CTNNA2: variants seen among roughly 807,000 people sequenced by gnomAD.
CTNNA2 encodes the protein catenin alpha-2.
In CTNNA2, 42 loss-of-function variants were observed where a neutral mutation model predicts 101.0. The observed-to-expected ratio is 0.42, with a 90% CI of 0.32 to 0.54. CTNNA2 has a LOEUF of 0.54. Among genes scored for constraint, CTNNA2 ranks in the 20% least tolerant of loss-of-function variants. The pLI, the probability that CTNNA2 is intolerant of heterozygous loss-of-function variation, is 0.14. For missense variants in CTNNA2, 871 were observed against 1,223.1 expected (o/e 0.71, Z 4.29); for synonymous variants, 450 against 456.4 (o/e 0.99, Z 0.18).
At chr2:79,687,686 A>G in intron 2 of CTNNA2, 1 of 548,022 alleles carries the variant, frequency 1.8e-6, no homozygotes, top group Non-Finnish European at 3.3e-6. Context: ...AACTTAAAAA[A>G]CTGGATGAAA....
At chr2:80,259,796 A>C (rs1325542430) in intron 7 of CTNNA2, among the ~76,000 whole-genome samples, 1 of 152,254 alleles carries the variant, frequency 6.6e-6, no homozygotes, top group Admixed American at 6.5e-5. Flanking sequence ...CAACTAAGTT[A>C]CTAAGTAATA....
At chr2:80,300,556 G>A (rs1442920703) in intron 7 of CTNNA2, among the ~76,000 whole-genome samples, 2 of 152,022 alleles carry the variant, frequency 1.3e-5, no homozygotes, top group Non-Finnish European at 2.9e-5. Context: ...ACATTTGCAT[G>A]TTGGGGGATG....
At chr2:79,868,568 TA>T (rs1193353305) in intron 4 of CTNNA2, among the ~76,000 whole-genome samples, 1 of 152,268 alleles carries the variant, frequency 6.6e-6, no homozygotes, top group East Asian at 1.9e-4. Context: ...TGAGTTAATA[TA>T]ATCTATGGTT....
intron 16 of CTNNA2, chr2:80,605,310 A>G (rs975599245): frequency 6.6e-6 from 1 of 152,012 alleles, no homozygotes; most frequent in East Asian, 1.9e-4. Context: ...AGTTATCCCT[A>G]TAAGCAATAG....
intron 9 of CTNNA2, among the ~76,000 whole-genome samples, chr2:80,453,364 A>G (rs1197296709): frequency 6.6e-6 from 1 of 152,034 alleles, no homozygotes; most frequent in Non-Finnish European, 1.5e-5. Flanking sequence ...TAATGTGTTA[A>G]GAGTGTCAGT....
Position 79,235,398 on chromosome 2 carries a change from C to G in CTNNA2, c.-406+37322C>G, listed in dbSNP as rs562883346. 2.6e-5 allele frequency among the ~76,000 whole-genome samples: 4 copies of G among 152,246 alleles called. No homozygotes were observed. In the East Asian group the frequency reaches 7.7e-4, roughly 29 times the overall value. On this transcript the variant is annotated intron_variant, in intron 2 of 21. Transcript: ENST00000466387. ...GCTGCATGGCTCTTGTGTTTTAATG[C>G]AGTTGGTAGTAGTGCTCTGTGGTGG...
intron 9 of CTNNA2, among the ~76,000 whole-genome samples, chr2:80,450,518 T>C (rs1327416192): frequency 6.6e-6 from 1 of 152,202 alleles, no homozygotes; most frequent in Non-Finnish European, 1.5e-5. Flanking sequence ...TTGTCATTTC[T>C]TCTCAAGGAA....
intron 7 of CTNNA2, among the ~76,000 whole-genome samples, chr2:80,256,360 G>A (rs1227132276): frequency 6.6e-6 from 1 of 152,076 alleles, no homozygotes; most frequent in Non-Finnish European, 1.5e-5. Flanking sequence ...TGTGTTAGTA[G>A]CTCCTCTGTG....
intron 7 of CTNNA2, among the ~76,000 whole-genome samples, chr2:80,208,952 A>C (rs1707711929): frequency 6.6e-6 from 1 of 152,194 alleles, no homozygotes; most frequent in Non-Finnish European, 1.5e-5. Flanking sequence ...TGAGGGTGTG[A>C]ATTCCTGATT....
intron 7 of CTNNA2, among the ~76,000 whole-genome samples, chr2:80,088,283 T>C (rs935748011): frequency 1.3e-5 from 2 of 152,044 alleles, no homozygotes; most frequent in African/African-American, 4.8e-5. Flanking sequence ...ATCATCTTAT[T>C]AAACCCATAT....
chr2:79,251,952 T>C (rs1674777431), intron 2 of CTNNA2, among the ~76,000 whole-genome samples: 1 of 152,206 alleles, frequency 6.6e-6, no homozygotes, highest in Non-Finnish European at 1.5e-5. Context: ...GAAAATATGA[T>C]GGAAGTGGTC....
chr2:80,092,020 A>G (rs763045567), intron 7 of CTNNA2, among the ~76,000 whole-genome samples: 11 of 152,070 alleles, frequency 7.2e-5, no homozygotes, highest in African/African-American at 9.7e-5. Flanking sequence ...CAGGAAATGT[A>G]TCTTATTTAC....
At chr2:79,703,692 T>C (rs1351550493) in intron 2 of CTNNA2, among the ~76,000 whole-genome samples, 2 of 152,228 alleles carry the variant, frequency 1.3e-5, no homozygotes, top group African/African-American at 4.8e-5. Context: ...TTTGTATTTA[T>C]TTGAATGTTG....
intron 18 of CTNNA2, among the ~76,000 whole-genome samples, chr2:80,623,362 AT>A (rs1161871811): frequency 2.6e-5 from 4 of 151,852 alleles, no homozygotes; most frequent in Non-Finnish European, 4.4e-5. Context: ...AAGGGGTGTA[AT>A]TTTTTTTGAG....
At chr2:79,833,980 A>G (rs1231662211) in intron 3 of CTNNA2, among the ~76,000 whole-genome samples, 2 of 152,144 alleles carry the variant, frequency 1.3e-5, no homozygotes, top group East Asian at 1.9e-4. Context: ...GTTCCATTGG[A>G]CACATAAATT....
chr2:79,900,720 C>G (rs1685015498), intron 6 of CTNNA2, among the ~76,000 whole-genome samples: 1 of 151,952 alleles, frequency 6.6e-6, no homozygotes, highest in Admixed American at 6.6e-5. Flanking sequence ...ACAAGGCAAA[C>G]CACAAAATTT....
chr2:80,073,028 A>G (rs1208340717), intron 7 of CTNNA2, among the ~76,000 whole-genome samples: 1 of 152,222 alleles, frequency 6.6e-6, no homozygotes, highest in Non-Finnish European at 1.5e-5. Flanking sequence ...TGAATCAATC[A>G]AAGTGAAGCA....
At chr2:80,536,815 A>G (rs923613059) in intron 9 of CTNNA2, among the ~76,000 whole-genome samples, 2 of 152,188 alleles carry the variant, frequency 1.3e-5, no homozygotes, top group African/African-American at 4.8e-5. Context: ...GTCCACACAA[A>G]ACTGAATTGT....
intron 2 of CTNNA2, among the ~76,000 whole-genome samples, chr2:79,199,556 G>A (rs1674005722): frequency 6.6e-6 from 1 of 151,936 alleles, no homozygotes; most frequent in African/African-American, 2.4e-5. Flanking sequence ...CGAATATAGT[G>A]TAGTTACTAG....
Sources: allele counts gnomAD v4.1 joint callset (sites outside exome capture counted in the v4.1 genomes callset), GRCh38; gene constraint gnomAD v4.1.1; transcripts MANE v1.5; gene names NCBI Gene and HGNC (gene_info 2026-07-23, HGNC 2026-07-21).